The following SMAP1 variants were observed in gnomAD, a reference collection of about 807,000 sequenced individuals.
SMAP1 encodes small ArfGAP 1.
SMAP1 carries 24 observed loss-of-function variants against 58.5 expected under a neutral mutation model. The ratio of observed to expected loss-of-function variants is 0.41; its 90% CI spans 0.30 to 0.58. The LOEUF is 0.58. Ranked by LOEUF, SMAP1 falls within the 20% of genes least tolerant of loss-of-function variation. The pLI, the probability that SMAP1 is intolerant of heterozygous loss-of-function variation, is 0.29. For synonymous variants in SMAP1, 216 were observed against 196.6 expected, an observed-to-expected ratio of 1.10 and a Z score of -0.82; for missense variants, 563 against 566.3, an observed-to-expected ratio of 0.99 and a Z score of 0.06.
chr6:70,783,031 C>A (rs1409453569), intron 4 of SMAP1, among the ~76,000 whole-genome samples: 1 of 152,200 alleles, frequency 6.6e-6, no homozygotes, highest in Non-Finnish European at 1.5e-5. Flanking sequence ...TGGGAGGCAT[C>A]CCCTAGTAGG....
intron 6 of SMAP1, among the ~76,000 whole-genome samples, chr6:70,813,541 A>G (rs1769480904): frequency 6.6e-6 from 1 of 152,136 alleles, no homozygotes; most frequent in African/African-American, 2.4e-5. Flanking sequence ...ATTATTCAAA[A>G]TTTTTAAATA....
chr6:70,798,674 A>G lies in SMAP1; in HGVS notation c.513A>G (p.Lys171=). The change falls in exon 6 of 11, where the codon AAA becomes AAG. Residue 171 remains lysine (K), a synonymous_variant. Transcript: ENST00000370455. ...TGTTTTAGAAAGAAAAGGAAAAAAA[A>G]AAGGAAGAGAAAAAGAGAGAAAAGG... is the stretch of plus-strand genomic sequence containing the variant. ...KNKLEKEKEK[K]KEEKKREKEP... 2.6e-6 allele frequency: 4 copies of G among 1,540,528 alleles called. No homozygotes were observed. Among genetic ancestry groups the G allele is most frequent in the Non-Finnish European group, 3.5e-6 (4 of 1,145,326 alleles).
chr6:70,811,591 C>T (rs537800469), intron 6 of SMAP1, among the ~76,000 whole-genome samples: 12 of 152,032 alleles, frequency 7.9e-5, no homozygotes, highest in Admixed American at 6.6e-4. Flanking sequence ...CACACACACA[C>T]ATACCAAAAT....
chr6:70,716,421 G>A (rs2149842428), intron 1 of SMAP1, among the ~76,000 whole-genome samples: 1 of 152,256 alleles, frequency 6.6e-6, no homozygotes, highest in East Asian at 1.9e-4. Flanking sequence ...AGGGGTGGTG[G>A]AGCTCAGCTT....
intron 7 of SMAP1, among the ~76,000 whole-genome samples, chr6:70,850,342 T>G (rs1771137008): frequency 6.6e-6 from 1 of 152,098 alleles, no homozygotes; most frequent in South Asian, 2.1e-4. Flanking sequence ...GTTAAATTTT[T>G]TTTTCCATAA....
At chr6:70,744,073 A>T (rs1350831450) in intron 2 of SMAP1, among the ~76,000 whole-genome samples, 4 of 152,190 alleles carry the variant, frequency 2.6e-5, no homozygotes, top group Admixed American at 2.6e-4. Context: ...GGCATATTTT[A>T]GAATTTTCTG....
chr6:70,747,150 A>G (rs536789178), intron 2 of SMAP1, among the ~76,000 whole-genome samples: 2 of 152,314 alleles, frequency 1.3e-5, no homozygotes, highest in Non-Finnish European at 2.9e-5. Flanking sequence ...TTCTGGCTCT[A>G]TTAACTAAAT....
intron 7 of SMAP1, among the ~76,000 whole-genome samples, chr6:70,838,176 A>G (rs1770672545): frequency 6.6e-6 from 1 of 152,200 alleles, no homozygotes; most frequent in Admixed American, 6.5e-5. Flanking sequence ...AAATCTTAGT[A>G]AAACTTTAGT....
At chr6:70,852,209 C>T (rs1432615181) in intron 7 of SMAP1, among the ~76,000 whole-genome samples, 1 of 151,922 alleles carries the variant, frequency 6.6e-6, no homozygotes, top group Non-Finnish European at 1.5e-5. Context: ...AGAACAGTGC[C>T]TGGCATATAG....
At chr6:70,670,299 A>G (rs1766210108) in intron 1 of SMAP1, among the ~76,000 whole-genome samples, 1 of 152,202 alleles carries the variant, frequency 6.6e-6, no homozygotes, top group Non-Finnish European at 1.5e-5. Flanking sequence ...AAGAATATTA[A>G]AATGATCTTG....
At chr6:70,841,075 A>T (rs1770784816) in intron 7 of SMAP1, among the ~76,000 whole-genome samples, 1 of 152,206 alleles carries the variant, frequency 6.6e-6, no homozygotes, top group Admixed American at 6.5e-5. Context: ...ATTGGTTAGG[A>T]CAGTTCCCCC....
chr6:70,695,142 C>T (rs1767347429), intron 1 of SMAP1, among the ~76,000 whole-genome samples: 1 of 152,136 alleles, frequency 6.6e-6, no homozygotes, highest in African/African-American at 2.4e-5. Flanking sequence ...ATTGTGTATC[C>T]TGCAACCTTA....
chr6:70,757,778 A>C (rs1482306739), intron 3 of SMAP1, among the ~76,000 whole-genome samples: 2 of 152,274 alleles, frequency 1.3e-5, no homozygotes, highest in African/African-American at 4.8e-5. Context: ...AATGCTCATT[A>C]TCACTGGCGA....
At chr6:70,857,510 T>A (rs747721449) in intron 9 of SMAP1, 20 of 175,620 alleles carry the variant, frequency 1.1e-4, no homozygotes, top group Non-Finnish European at 2.2e-4. Flanking sequence ...GCATTTCACA[T>A]GTGAGCTAAA....
intron 6 of SMAP1, among the ~76,000 whole-genome samples, chr6:70,806,476 C>A (rs1359786509): frequency 6.6e-6 from 1 of 152,130 alleles, no homozygotes; most frequent in African/African-American, 2.4e-5. Flanking sequence ...AGGTGATGCC[C>A]CGCCCTCCTT....
At chr6:70,698,939 T>G (rs1489364524) in intron 1 of SMAP1, among the ~76,000 whole-genome samples, 1 of 152,208 alleles carries the variant, frequency 6.6e-6, no homozygotes, top group Non-Finnish European at 1.5e-5. Context: ...TTGGATGGTC[T>G]TGATGCTTGT....
At chr6:70,708,210 A>G (rs1767916482) in intron 1 of SMAP1, among the ~76,000 whole-genome samples, 1 of 152,128 alleles carries the variant, frequency 6.6e-6, no homozygotes, top group African/African-American at 2.4e-5. Context: ...ACGTGAGATT[A>G]TACAATATTT....
Position 70,794,028 on chromosome 6 carries a change from C to T in SMAP1, c.495+2259C>T, listed in dbSNP as rs373652408. Among the ~76,000 whole-genome samples the T allele has an allele frequency of 2.4e-3, 369 of 152,196 alleles. 16 individuals are homozygous for T. In the South Asian group the frequency reaches 0.064, roughly 26 times the overall value. ...GATTACAGGCGTGAGCCACTGTGCCCGGCCCTATGTCTTTATTTAAATCAC... is the reference window on the plus strand; with the variant it reads ...GATTACAGGCGTGAGCCACTGTGCCTGGCCCTATGTCTTTATTTAAATCAC... On this transcript the variant is annotated intron_variant, in intron 5 of 10. Transcript: ENST00000370455.
In SMAP1 at chr6:70,860,944, A is replaced by T; in HGVS notation, c.*610A>T. On this transcript the variant is annotated 3_prime_UTR_variant, in exon 11 of 11. Transcript: ENST00000370455. ...TGAATGCTTAAAGAATTCAAATTTT[A>T]TCTGCCTCTCTTGTAATTTGGATCT... The T allele has an allele frequency of 2.7e-6, 1 of 365,418 alleles. No homozygotes were observed. Among genetic ancestry groups the T allele is most frequent in the Admixed American group, 4.6e-5 (1 of 21,650 alleles). 22.6% of individuals were successfully genotyped at this position (365,418 alleles called of 1,614,324 possible). A position where few individuals can be genotyped will look rare whatever the true frequency, so the allele number is the denominator to read the frequency against.
Sources: gnomAD v4.1 joint callset for allele counts (sites outside exome capture counted in the v4.1 genomes callset) on GRCh38, gnomAD v4.1.1 for gene constraint, MANE v1.5 for transcripts, NCBI Gene and HGNC (gene_info 2026-07-23, HGNC 2026-07-21) for gene names.